The following ZNF721 variants were observed in gnomAD, a reference collection of about 807,000 sequenced individuals.
ZNF721 encodes zinc finger protein 721.
ZNF721 carries 2 observed loss-of-function variants against 2.4 expected under a neutral mutation model. The observed-to-expected ratio is 0.82, with a 90% CI of 0.34 to 2.58. The LOEUF (loss-of-function observed/expected upper bound fraction) is 2.58, where lower values mean the gene tolerates loss of function less well. Among genes scored for constraint, ZNF721 ranks in the 30% most tolerant of loss-of-function variants. The pLI, the probability that ZNF721 is intolerant of heterozygous loss-of-function variation, is 0.11. For synonymous variants in ZNF721, 398 were observed against 381.8 expected, an observed-to-expected ratio of 1.04 and a Z score of -0.50; for missense variants, 1,187 against 1,085.5, an observed-to-expected ratio of 1.09 and a Z score of -1.31.
At chr4:488,845 A>G (rs577234983) in intron 1 of ZNF721, among the ~76,000 whole-genome samples, 6 of 152,136 alleles carry the variant, frequency 3.9e-5, no homozygotes, top group African/African-American at 1.4e-4. Context: ...AAATAAAATA[A>G]ATAAAATAAA....
intron 2 of ZNF721, among the ~76,000 whole-genome samples, chr4:450,951 AAAAAAATAT>A (rs1480525280): frequency 5.4e-4 from 27 of 50,196 alleles, no homozygotes; most frequent in African/African-American, 1.8e-3. Context: ...AAAAAAAAAA[AAAAAAATAT>A]ATATATATAT....
chr4:450,956 AATATATATATATATAT>A lies in ZNF721; in HGVS notation c.35-6540_35-6525del, dbSNP rs71166812. Among the ~76,000 whole-genome samples, 11 of 63,756 alleles carry A rather than the reference AATATATATATATATAT, an allele frequency of 1.7e-4. 1 individual carries two copies. Among genetic ancestry groups the A allele is most frequent in the African/African-American group, 6.2e-4 (8 of 12,922 alleles). 41.8% of individuals were successfully genotyped at this position (63,756 alleles called of 152,430 possible). A position where few individuals can be genotyped will look rare whatever the true frequency, so the allele number is the denominator to read the frequency against. On this transcript the variant is annotated intron_variant, in intron 2 of 2. Transcript: ENST00000511833. ...TGTCTCCAAAAAAAAAAAAAAAAAA[AATATATATATATATAT>A]ATATATATATATATATATATATATC...
At chr4:486,173 T>C (rs1553870292) in intron 1 of ZNF721, among the ~76,000 whole-genome samples, 1 of 150,502 alleles carries the variant, frequency 6.6e-6, no homozygotes, top group African/African-American at 2.4e-5. Flanking sequence ...TTCTTTTTTT[T>C]TTTTGAGACG....
chr4:443,855 C>T lies in ZNF721; in HGVS notation c.612G>A (p.Trp204Ter). The change falls in exon 3 of 3, where the codon TGG becomes TGA. Residue 204 changes from tryptophan to a stop codon, truncating the protein, a stop_gained. Transcript: ENST00000511833. LOFTEE classifies it low-confidence loss of function (END_TRUNC). ...TGEDRDRAFG[W>*]STNLNEYKKI... ...TCTTATATTCATTCAGGTTTGTGGA[C>T]CATCCAAAGGCTCTGTCACGATCTT... 4 of 1,613,900 alleles carry T rather than the reference C, an allele frequency of 2.5e-6. No homozygotes were observed. Among genetic ancestry groups the T allele is most frequent in the Non-Finnish European group, 3.4e-6 (4 of 1,179,892 alleles).
At chr4:462,044 T>C (rs1173271622) in intron 2 of ZNF721, among the ~76,000 whole-genome samples, 2 of 152,166 alleles carry the variant, frequency 1.3e-5, no homozygotes, top group Non-Finnish European at 2.9e-5. Flanking sequence ...TAAGCTGATA[T>C]GCAACTTCAG....
intron 1 of ZNF721, among the ~76,000 whole-genome samples, chr4:486,001 G>A (rs115659271): frequency 4.7e-5 from 7 of 149,032 alleles, no homozygotes; most frequent in Admixed American, 6.6e-5. Context: ...TAAATAAATA[G>A]ATAGATTCTG....
rs1188871657 is a variant in ZNF721 at position 482,721 on chromosome 4, T to A, written c.-93-10020A>T. Among the ~76,000 whole-genome samples the A allele has an allele frequency of 4.0e-5, 6 of 150,236 alleles. No individual in the cohort carries two copies. The South Asian group carries it at 8.5e-4, about 21-fold the overall frequency. The stretch of plus-strand genomic sequence containing the variant: ...CATGTTGGCCAGGCTGGTCTCGATC[T>A]CTTGACCTCGGGATCTACCCGCCTC... On this transcript the variant is annotated intron_variant, in intron 1 of 2. Coordinates refer to ENST00000511833, the MANE Select transcript of ZNF721 (RefSeq NM_133474.4).
At chr4:485,602 G>A (rs1553870152) in intron 1 of ZNF721, among the ~76,000 whole-genome samples, 1 of 152,228 alleles carries the variant, frequency 6.6e-6, no homozygotes, top group Non-Finnish European at 1.5e-5. Context: ...TCCGAAAGAT[G>A]TTGGTTTACA....
At chr4:455,033 G>A (rs1327790392) in intron 2 of ZNF721, among the ~76,000 whole-genome samples, 1 of 152,156 alleles carries the variant, frequency 6.6e-6, no homozygotes, top group African/African-American at 2.4e-5. Flanking sequence ...ATGAATGGTG[G>A]ACTCTAGAGC....
chr4:465,882 A>G (rs782113058), intron 2 of ZNF721, among the ~76,000 whole-genome samples: 10 of 152,188 alleles, frequency 6.6e-5, no homozygotes, highest in Non-Finnish European at 1.5e-4. Context: ...ACACAAGGGA[A>G]GACAGCATGA....
rs932669512 is a variant in ZNF721, at chr4:440,953, A to C, written c.*742T>G. On this transcript the variant is annotated 3_prime_UTR_variant, in exon 3 of 3. Transcript: ENST00000511833. ...AGTGTTGGGATTACAGGCGTGAGCC[A>C]CCGCGCCTGGCCTCTGGTTTCTTAA... 5 of 152,320 alleles carry C rather than the reference A, an allele frequency of 3.3e-5. No homozygotes were observed. The highest frequency in any genetic ancestry group is 7.3e-5 in the Non-Finnish European group (5 of 68,116). 9.4% of individuals were successfully genotyped at this position (152,320 alleles called of 1,614,324 possible).
At chr4:465,369 A>G (rs1553866608) in intron 2 of ZNF721, among the ~76,000 whole-genome samples, 1 of 152,174 alleles carries the variant, frequency 6.6e-6, no homozygotes, top group Admixed American at 6.5e-5. Context: ...CCTGGGAAAC[A>G]AAGCAAGACC....
chr4:488,834 A>T (rs1400627204), intron 1 of ZNF721, among the ~76,000 whole-genome samples: 8 of 152,076 alleles, frequency 5.3e-5, no homozygotes, highest in Non-Finnish European at 8.8e-5. Flanking sequence ...ATCTCAAAAA[A>T]AAATAAAATA....
In ZNF721 at chr4:443,195, T is replaced by A; in HGVS notation, c.1272A>T (p.Arg424Ser). 1 of 1,613,906 alleles carries A rather than the reference T, an allele frequency of 6.2e-7. No individual in the cohort carries two copies. Among genetic ancestry groups the A allele is most frequent in the Non-Finnish European group, 8.5e-7 (1 of 1,179,884 alleles). ...EKPYTCEDRG[R>S]AFGLSTNLNE... is the part of the protein sequence containing the mutation. ...TCAGGTTTGTGGACAATCCAAAGGC[T>A]CTGCCACGATCTTCACATGTGTAGG... The change falls in exon 3 of 3, where the codon AGA becomes AGT. Residue 424 changes from arginine (R) to serine (S), a missense_variant. Arg to Ser is a moderately radical substitution (Grantham distance 110). Coordinates refer to ENST00000511833, the MANE Select transcript of ZNF721 (RefSeq NM_133474.4).
chr4:497,762 G>C (rs1198742844), intron 1 of ZNF721, among the ~76,000 whole-genome samples: 2 of 151,640 alleles, frequency 1.3e-5, no homozygotes, highest in Non-Finnish European at 2.9e-5. Flanking sequence ...GACGGGCGTG[G>C]CGGCGGGCGC....
chr4:446,953 T>G (rs1015712934), intron 2 of ZNF721, among the ~76,000 whole-genome samples: 2 of 152,156 alleles, frequency 1.3e-5, no homozygotes, highest in Non-Finnish European at 2.9e-5. Flanking sequence ...CCCAAATTGC[T>G]GGGATTACAC....
chr4:481,130 C>T (rs1715761260), intron 1 of ZNF721, among the ~76,000 whole-genome samples: 2 of 152,272 alleles, frequency 1.3e-5, no homozygotes, highest in African/African-American at 2.4e-5. Context: ...CTATGTTGCT[C>T]AGGCTGGACC....
Position 440,218 on chromosome 4 carries a change from T to C in ZNF721, c.*1477A>G, listed in dbSNP as rs1714184909. ...ACTAAAAGCCTCTCTGCTCAGATTT[T>C]CCTGGTGCATCTTTTATTTCTCTTC... On this transcript the variant is annotated 3_prime_UTR_variant, in exon 3 of 3. Coordinates refer to ENST00000511833, the MANE Select transcript of ZNF721 (RefSeq NM_133474.4). 1 of 152,198 alleles carries C rather than the reference T, an allele frequency of 6.6e-6. No homozygotes were observed. Among genetic ancestry groups the C allele is most frequent in the African/African-American group, 2.4e-5 (1 of 41,442 alleles). The allele number at this position is 152,198 out of a possible 1,614,324, so 9.4% of individuals were successfully genotyped here.
chr4:466,246 C>T (rs1478063194), intron 2 of ZNF721, among the ~76,000 whole-genome samples: 2 of 152,220 alleles, frequency 1.3e-5, no homozygotes, highest in Non-Finnish European at 1.5e-5. Flanking sequence ...CATGCGTGTG[C>T]ACTCGCACAC....
Sources: allele counts gnomAD v4.1 joint callset (sites outside exome capture counted in the v4.1 genomes callset), GRCh38; gene constraint gnomAD v4.1.1; transcripts MANE v1.5; gene names NCBI Gene and HGNC (gene_info 2026-07-23, HGNC 2026-07-21).